Variants in PAMR1 observed in about 807,000 individuals in gnomAD.
PAMR1 encodes peptidase domain containing associated with muscle regeneration 1.
In PAMR1, 88 loss-of-function variants were observed where a neutral mutation model predicts 81.8. The observed-to-expected ratio is 1.08, with a 90% confidence interval of 0.91 to 1.28. The LOEUF (loss-of-function observed/expected upper bound fraction) is 1.28, where lower values mean the gene tolerates loss of function less well. PAMR1 is among the 50% of genes most tolerant of loss of function. The pLI is 0.00. For synonymous variants in PAMR1, 336 were observed against 345.3 expected, an observed-to-expected ratio of 0.97 and a Z score of 0.30; for missense variants, 935 against 919.7, an observed-to-expected ratio of 1.02 and a Z score of -0.21.
chr11:35,524,671 C>T (rs902018084), intron 1 of PAMR1, among the ~76,000 whole-genome samples: 1 of 152,120 alleles, frequency 6.6e-6, no homozygotes, highest in Non-Finnish European at 1.5e-5. Context: ...TCTCACTTTA[C>T]CCCCTGGGCC....
At chr11:35,511,009 A>C (rs1265244331) in intron 1 of PAMR1, among the ~76,000 whole-genome samples, 1 of 152,232 alleles carries the variant, frequency 6.6e-6, no homozygotes, top group Non-Finnish European at 1.5e-5. Context: ...GGCAAATGTA[A>C]GACATTTAAC....
At chr11:35,480,363 T>G (rs658383) in intron 3 of PAMR1, among the ~76,000 whole-genome samples, 4 of 152,198 alleles carry the variant, frequency 2.6e-5, no homozygotes, top group African/African-American at 9.7e-5. Flanking sequence ...AACACTCACA[T>G]GGAAATAGCC....
chr11:35,511,859 C>T (rs1436080714), intron 1 of PAMR1, among the ~76,000 whole-genome samples: 1 of 152,124 alleles, frequency 6.6e-6, no homozygotes, highest in East Asian at 1.9e-4. Flanking sequence ...ACCGACAAGG[C>T]CAAGCAGGAA....
At chr11:35,508,367 C>A (rs1267911776) in intron 1 of PAMR1, among the ~76,000 whole-genome samples, 2 of 152,108 alleles carry the variant, frequency 1.3e-5, no homozygotes, top group Middle Eastern at 3.2e-3. Context: ...TTTCACTTCT[C>A]TGTGGCCCTT....
intron 1 of PAMR1, among the ~76,000 whole-genome samples, chr11:35,506,558 A>G (rs1850961088): frequency 6.6e-6 from 1 of 151,254 alleles, no homozygotes. Flanking sequence ...TTCAAAGGGT[A>G]GCTTTGCTGG....
chr11:35,523,978 G>A (rs1851334345), intron 1 of PAMR1, among the ~76,000 whole-genome samples: 1 of 152,082 alleles, frequency 6.6e-6, no homozygotes. Context: ...TGGCTTTGAA[G>A]CGCCTCACCT....
At chr11:35,469,156 C>T (rs1364908436) in intron 5 of PAMR1, among the ~76,000 whole-genome samples, 1 of 152,180 alleles carries the variant, frequency 6.6e-6, no homozygotes, top group Non-Finnish European at 1.5e-5. Context: ...GTAGTAGGGG[C>T]TATGAAGGAT....
intron 3 of PAMR1, among the ~76,000 whole-genome samples, chr11:35,479,583 G>A (rs1850346483): frequency 6.6e-6 from 1 of 152,178 alleles, no homozygotes; most frequent in South Asian, 2.1e-4. Flanking sequence ...CTGACCCACT[G>A]CTCCAGGGCT....
chr11:35,522,877 C>T (rs558210753), intron 1 of PAMR1, among the ~76,000 whole-genome samples: 1 of 152,294 alleles, frequency 6.6e-6, no homozygotes, highest in South Asian at 2.1e-4. Context: ...GCATATGAAG[C>T]CTTTGGCTCA....
At chr11:35,433,618 C>A (rs1201816879) in intron 10 of PAMR1, among the ~76,000 whole-genome samples, 1 of 152,246 alleles carries the variant, frequency 6.6e-6, no homozygotes, top group African/African-American at 2.4e-5. Context: ...CAACTGTGGA[C>A]TTTTCAGAGA....
upstream of PAMR1, among the ~76,000 whole-genome samples, chr11:35,527,106 T>C (rs1047202883): frequency 2.0e-5 from 3 of 152,068 alleles, no homozygotes; most frequent in Admixed American, 2.0e-4. Flanking sequence ...CTGACACAGG[T>C]GCTCTACTAG....
intron 6 of PAMR1, among the ~76,000 whole-genome samples, chr11:35,460,470 C>A (rs1856629214): frequency 6.6e-6 from 1 of 152,134 alleles, no homozygotes; most frequent in Non-Finnish European, 1.5e-5. Context: ...TGCTTTCCCT[C>A]CCTACTCCCC....
chr11:35,455,674 T>C (rs1266223850), intron 6 of PAMR1, among the ~76,000 whole-genome samples: 1 of 152,218 alleles, frequency 6.6e-6, no homozygotes, highest in Non-Finnish European at 1.5e-5. Flanking sequence ...CACAGAATGA[T>C]GAAGTGTTAT....
chr11:35,516,186 GA>G (rs1464703904), intron 1 of PAMR1, among the ~76,000 whole-genome samples: 3 of 152,106 alleles, frequency 2.0e-5, no homozygotes, highest in African/African-American at 7.2e-5. Flanking sequence ...TCAGCGAGGG[GA>G]AGTAACTTGC....
intron 3 of PAMR1, among the ~76,000 whole-genome samples, chr11:35,475,247 T>G (rs1040050349): frequency 6.6e-6 from 1 of 152,210 alleles, no homozygotes; most frequent in Non-Finnish European, 1.5e-5. Context: ...TGAGTAGTTA[T>G]GTAATAAATG....
chr11:35,484,525 T>G (rs182629751), intron 3 of PAMR1, among the ~76,000 whole-genome samples: 1 of 152,236 alleles, frequency 6.6e-6, no homozygotes, highest in African/African-American at 2.4e-5. Context: ...CCCTTAAGTT[T>G]GCTCTTAATC....
In PAMR1 at chr11:35,525,569, C is replaced by T. The variant is rs1349934691; in HGVS notation, c.17G>A (p.Trp6Ter). The part of the protein sequence containing the change: MELGC[W>*]TQLGLTFLQL... ...AAGAAAAGTGAGCCCCAACTGCGTCCAGCAACCCAGCTCCATCCTTGCCGC... is the reference window on the plus strand; with the variant it reads ...AAGAAAAGTGAGCCCCAACTGCGTCTAGCAACCCAGCTCCATCCTTGCCGC... Residue 6 changes from tryptophan to a stop codon, truncating the protein, a stop_gained, in exon 1 of 11, where the codon TGG becomes TAG. Transcript: ENST00000619888. LOFTEE classifies it high-confidence loss of function. 4.3e-6 allele frequency: 7 copies of T among 1,613,990 alleles called. No homozygotes were observed. The East Asian group carries it at 1.6e-4, about 36-fold the overall frequency.
chr11:35,480,688 T>C (rs928150464), intron 3 of PAMR1, among the ~76,000 whole-genome samples: 7 of 152,354 alleles, frequency 4.6e-5, no homozygotes, highest in Admixed American at 6.5e-5. Context: ...AATTTCTTTT[T>C]CTTTTTTTAT....
chr11:35,486,506 C>A (rs114281362), intron 3 of PAMR1, among the ~76,000 whole-genome samples: 3 of 152,170 alleles, frequency 2.0e-5, no homozygotes, highest in African/African-American at 7.2e-5. Context: ...GATTAATGCA[C>A]GAAGGTGTGA....
Sources: gnomAD v4.1 joint callset for allele counts (sites outside exome capture counted in the v4.1 genomes callset) on GRCh38, gnomAD v4.1.1 for gene constraint, MANE v1.5 for transcripts, NCBI Gene and HGNC (gene_info 2026-07-23, HGNC 2026-07-21) for gene names.